Variants in EZH2 observed in about 807,000 individuals in gnomAD.
EZH2 encodes the protein histone-lysine N-methyltransferase EZH2.
A neutral mutation model predicts 98.4 loss-of-function variants in EZH2; 18 were observed. That is an observed-to-expected ratio of 0.18 (90% CI 0.13 to 0.27). The LOEUF (loss-of-function observed/expected upper bound fraction) is 0.27. Among genes scored for constraint, EZH2 ranks in the 10% least tolerant of loss-of-function variants. EZH2 has a pLI of 1.00. For missense variants in EZH2, 470 were observed against 935.1 expected (o/e 0.50, Z 6.49); for synonymous variants, 338 against 312.3 (o/e 1.08, Z -0.87).
intron 1 of EZH2, among the ~76,000 whole-genome samples, chr7:148,882,451 T>C (rs1165435947): frequency 6.6e-6 from 1 of 152,256 alleles, no homozygotes; most frequent in Non-Finnish European, 1.5e-5. Context: ...AGACGCTTTA[T>C]ATCTATGACT....
chr7:148,819,316 CAT>C lies in EZH2; in HGVS notation c.999+278_999+279del, dbSNP rs1478644720. On this transcript the variant is annotated intron_variant, in intron 9 of 19. Coordinates refer to ENST00000320356, the MANE Select transcript of EZH2 (RefSeq NM_004456.5). ...CGGACTATCTGTGCCTTGCAACTCT[CAT>C]AGACTTTGTGGAAGGCATAAAAGTC... Among the ~76,000 whole-genome samples, 5 of 152,340 alleles carry C rather than the reference CAT, an allele frequency of 3.3e-5. No homozygotes were observed. The South Asian group carries it at 1.0e-3, about 32-fold the overall frequency.
chr7:148,870,041 G>A (rs899934971), intron 1 of EZH2, among the ~76,000 whole-genome samples: 1 of 152,252 alleles, frequency 6.6e-6, no homozygotes, highest in East Asian at 1.9e-4. Flanking sequence ...GGCAATGTGA[G>A]ACCCTGTCTC....
At chr7:148,808,952 T>C (rs1802303041) in intron 19 of EZH2, 119 bp downstream of exon 19, 1 of 719,162 alleles carries the variant, frequency 1.4e-6, no homozygotes, top group African/African-American at 1.8e-5. Context: ...TCCCCACTAA[T>C]GCTCATGGCA....
rs2129475555 is a variant in EZH2 at position 148,826,611 on chromosome 7, C to T, written c.750G>A (p.Gln250=). 1 of 1,543,860 alleles carries T rather than the reference C, an allele frequency of 6.5e-7. No homozygotes were observed. The highest frequency in any genetic ancestry group is 2.3e-5 in the East Asian group (1 of 43,522). ...LKEKYKELTE[Q]QLPGALPPEC... ...CAGGAGGAAGTGCGCCTGGGAGCTG[C>T]TGTTCGGTGAGTTCTTTATATCTGA... Residue 250 remains glutamine, a synonymous_variant, in exon 8 of 20, where the codon CAG becomes CAA. Coordinates refer to ENST00000320356, the MANE Select transcript of EZH2 (RefSeq NM_004456.5).
chr7:148,828,834 G>C lies in EZH2; in HGVS notation c.531C>G (p.Ala177=). Residue 177 remains alanine, a synonymous_variant, in exon 6 of 20, where the codon GCC becomes GCG. Transcript: ENST00000320356. ...CGTCATCATCATTATATTGACCAAG[G>C]GCATTCACCAACTCCACAAAAATTT... is the stretch of plus-strand genomic sequence containing the variant. ...NDEIFVELVN[A]LGQYNDDDDD... is the part of the protein sequence containing the mutation. 6.2e-7 allele frequency: 1 copy of C among 1,610,936 alleles called. No homozygotes were observed.
At chr7:148,871,402 T>TA (rs1819363146) in intron 1 of EZH2, among the ~76,000 whole-genome samples, 1 of 54,260 alleles carries the variant, frequency 1.8e-5, no homozygotes, top group African/African-American at 8.4e-5. Flanking sequence ...AGACGAATAA[T>TA]TAAAAAAAAA....
At chr7:148,831,102 G>A (rs1809265549) in intron 4 of EZH2, among the ~76,000 whole-genome samples, 2 of 152,116 alleles carry the variant, frequency 1.3e-5, no homozygotes, top group African/African-American at 4.8e-5. Context: ...CGCTGGGAAA[G>A]GCCACACACA....
intron 19 of EZH2, among the ~76,000 whole-genome samples, chr7:148,808,773 A>G (rs1802240109): frequency 1.3e-5 from 2 of 152,192 alleles, no homozygotes. Flanking sequence ...TCCACGAGTG[A>G]GCATGCAGCA....
chr7:148,863,657 ACT>A (rs1818022969), intron 1 of EZH2, among the ~76,000 whole-genome samples: 1 of 152,022 alleles, frequency 6.6e-6, no homozygotes, highest in Non-Finnish European at 1.5e-5. Flanking sequence ...TCCTTAAATG[ACT>A]CTATTGTTTT....
chr7:148,881,814 G>A (rs1820998501), intron 1 of EZH2, among the ~76,000 whole-genome samples: 1 of 151,526 alleles, frequency 6.6e-6, no homozygotes, highest in African/African-American at 2.4e-5. Flanking sequence ...CGTGCCTGTA[G>A]TTCCAGCTAC....
At chr7:148,818,946 T>A in intron 9 of EZH2, 1 of 431,226 alleles carries the variant, frequency 2.3e-6, no homozygotes, top group South Asian at 1.7e-5. Context: ...TACTTCATTC[T>A]ACAAAAACCA....
chr7:148,814,793 T>C (rs775387942), intron 14 of EZH2, 121 bp downstream of exon 14: 29 of 1,218,248 alleles, frequency 2.4e-5, no homozygotes, highest in Non-Finnish European at 3.2e-5. Context: ...ACTTGTCAAA[T>C]TGATGAGTTT....
intron 1 of EZH2, among the ~76,000 whole-genome samples, chr7:148,870,489 C>T (rs571823786): frequency 6.6e-6 from 1 of 152,066 alleles, no homozygotes; most frequent in South Asian, 2.1e-4. Flanking sequence ...ATCACTTGAT[C>T]CTAGGAGTTC....
rs754679319 is a variant in EZH2, at chr7:148,809,051, T to C, written c.2195+20A>G. 6.2e-7 allele frequency: 1 copy of C among 1,606,528 alleles called. No homozygotes were observed. Among genetic ancestry groups the C allele is most frequent in the South Asian group, 1.1e-5 (1 of 90,910 alleles). ...TAGAAAAAGCCCTTAGAGATCATGC[T>C]AGAAATGTACTTTACCAACCTGTAA... On this transcript the variant is annotated intron_variant, in intron 19 of 19. Transcript: ENST00000320356.
intron 1 of EZH2, among the ~76,000 whole-genome samples, chr7:148,850,758 C>A (rs1240872215): frequency 1.3e-5 from 2 of 152,166 alleles, no homozygotes; most frequent in African/African-American, 4.8e-5. Context: ...CAAGACCGCC[C>A]CCCGCCAACC....
intron 10 of EZH2, 117 bp from the exon 11 acceptor site, chr7:148,817,508 G>C: frequency 2.1e-6 from 2 of 974,792 alleles, no homozygotes; most frequent in African/African-American, 1.6e-5. Context: ...AATCCAATCG[G>C]CAAAACACTA....
intron 17 of EZH2, 184 bp downstream of exon 17, chr7:148,810,149 G>C (rs1802627007): frequency 4.1e-6 from 2 of 482,576 alleles, no homozygotes; most frequent in Non-Finnish European, 7.6e-6. Flanking sequence ...TGCACATCTA[G>C]TCTATCTGCT....
chr7:148,816,835 C>A (rs1395025334), intron 11 of EZH2, 57 bp from the exon 12 acceptor site: 1 of 1,263,896 alleles, frequency 7.9e-7, no homozygotes, highest in Non-Finnish European at 1.2e-6. Context: ...GCAAACCATT[C>A]TTATACTCAT....
chr7:148,830,420 C>G (rs1003577860), intron 4 of EZH2, among the ~76,000 whole-genome samples: 1 of 152,064 alleles, frequency 6.6e-6, no homozygotes, highest in Non-Finnish European at 1.5e-5. Context: ...TACCAAAAAA[C>G]TACCCTAAGA....
Sources: gnomAD v4.1 joint callset for allele counts (sites outside exome capture counted in the v4.1 genomes callset) on GRCh38, gnomAD v4.1.1 for gene constraint, MANE v1.5 for transcripts, NCBI Gene and HGNC (gene_info 2026-07-23, HGNC 2026-07-21) for gene names.